Variants in DLG1 observed in about 807,000 individuals in gnomAD.
The protein encoded by DLG1 is disks large homolog 1.
Under a neutral mutation model 123.4 loss-of-function variants are expected in DLG1, and 42 were observed. The ratio of observed to expected loss-of-function variants is 0.34; its 90% confidence interval spans 0.27 to 0.44. The LOEUF (loss-of-function observed/expected upper bound fraction) is 0.44, where lower values mean the gene tolerates loss of function less well. Among genes scored for constraint, DLG1 ranks in the 20% least tolerant of loss-of-function variants. DLG1 has a pLI of 1.00. For missense variants in DLG1, 942 were observed against 1,082.6 expected, an observed-to-expected ratio of 0.87 and a Z score of 1.82; for synonymous variants, 317 against 356.2, an observed-to-expected ratio of 0.89 and a Z score of 1.24.
At chr3:197,211,170 C>G (rs1251800133) in intron 4 of DLG1, among the ~76,000 whole-genome samples, 1 of 145,928 alleles carries the variant, frequency 6.9e-6, no homozygotes, top group African/African-American at 2.4e-5. Flanking sequence ...CGATCTAAAT[C>G]TGATAAAGGG....
At chr3:197,080,991 T>C in intron 17 of DLG1, 60 bp downstream of exon 17, 2 of 1,481,870 alleles carry the variant, frequency 1.3e-6, no homozygotes, top group South Asian at 2.3e-5. Context: ...AAAATCCTTT[T>C]CATTTTAACA....
chr3:197,296,935 GTTA>G, intron 2 of DLG1: 2 of 503,406 alleles, frequency 4.0e-6, no homozygotes, highest in South Asian at 4.9e-5. Flanking sequence ...CCAATTCAGG[GTTA>G]TTAAGGACAT....
chr3:197,244,833 G>A (rs1344148845), intron 4 of DLG1, among the ~76,000 whole-genome samples: 1 of 152,048 alleles, frequency 6.6e-6, no homozygotes, highest in Non-Finnish European at 1.5e-5. Flanking sequence ...TGATGTGCTG[G>A]GAACTCCAAG....
At chr3:197,179,163 G>C (rs986683674) in intron 5 of DLG1, among the ~76,000 whole-genome samples, 2 of 152,188 alleles carry the variant, frequency 1.3e-5, no homozygotes, top group African/African-American at 4.8e-5. Flanking sequence ...AGAGAAGGCA[G>C]AGCTGCAATC....
chr3:197,104,930 T>C lies in DLG1; in HGVS notation c.1519A>G (p.Thr507Ala). Residue 507 changes from threonine to alanine, a missense_variant, in exon 14 of 25, where the codon ACA becomes GCA. Coordinates refer to ENST00000667157, the MANE Select transcript of DLG1 (RefSeq NM_001366207.1). ...TCAGGTCGATATTGTGCAACAATTGTGACAGCCTGGCCAGCATTTTTCAAT... is the reference window on the plus strand; with the variant it reads ...TCAGGTCGATATTGTGCAACAATTGCGACAGCCTGGCCAGCATTTTTCAAT... ...AALKNAGQAV[T>A]IVAQYRPEEY... The C allele has an allele frequency of 1.9e-6, 3 of 1,613,482 alleles. No individual in the cohort carries two copies. The highest frequency in any genetic ancestry group is 2.5e-6 in the Non-Finnish European group (3 of 1,179,568).
Position 197,188,133 on chromosome 3 carries a change from T to C in DLG1, c.483+6292A>G, listed in dbSNP as rs558221652. 4.6e-5 allele frequency among the ~76,000 whole-genome samples: 7 copies of C among 152,320 alleles called. No individual in the cohort carries two copies. The East Asian group carries it at 1.2e-3, about 25-fold the overall frequency. ...AAGAACATTCATCATACAGGTCTTT[T>C]AGATTTTGCCCTCATTTCCTAACAT... On this transcript the variant is annotated intron_variant, in intron 5 of 24. Transcript: ENST00000667157.
At chr3:197,046,080 C>T (rs1722823938) in intron 24 of DLG1, among the ~76,000 whole-genome samples, 1 of 152,176 alleles carries the variant, frequency 6.6e-6, no homozygotes, top group African/African-American at 2.4e-5. Context: ...GAGCTAAATG[C>T]AGACATGCCT....
chr3:197,086,406 A>C (rs1754383380), intron 15 of DLG1, among the ~76,000 whole-genome samples: 1 of 152,146 alleles, frequency 6.6e-6, no homozygotes. Context: ...CCACTTGATT[A>C]ATTAATGTAC....
intron 5 of DLG1, among the ~76,000 whole-genome samples, chr3:197,193,107 A>C (rs370643579): frequency 6.6e-6 from 1 of 152,178 alleles, no homozygotes; most frequent in Non-Finnish European, 1.5e-5. Context: ...AATCCAGGTA[A>C]ATTTTACTAG....
At chr3:197,251,494 C>G (rs1189695303) in intron 4 of DLG1, among the ~76,000 whole-genome samples, 1 of 152,160 alleles carries the variant, frequency 6.6e-6, no homozygotes, top group Non-Finnish European at 1.5e-5. Flanking sequence ...GCATTTATAG[C>G]CAACTCATCT....
intron 1 of DLG1, chr3:197,298,188 A>C: frequency 5.3e-5 from 13 of 245,008 alleles, no homozygotes; most frequent in Non-Finnish European, 7.8e-5. Flanking sequence ...GCCAATGGGA[A>C]GTGAGGAGGC....
At chr3:197,246,248 T>G (rs1423049096) in intron 4 of DLG1, among the ~76,000 whole-genome samples, 2 of 152,150 alleles carry the variant, frequency 1.3e-5, no homozygotes, top group Non-Finnish European at 2.9e-5. Context: ...ATAGCTGTTG[T>G]CTTGTTTTGA....
chr3:197,254,819 G>C (rs1025309934), intron 4 of DLG1, among the ~76,000 whole-genome samples: 1 of 152,084 alleles, frequency 6.6e-6, no homozygotes, highest in African/African-American at 2.4e-5. Flanking sequence ...TGAGAGGTTG[G>C]TGGATCACCT....
intron 4 of DLG1, among the ~76,000 whole-genome samples, chr3:197,231,642 G>T (rs1448541031): frequency 6.6e-6 from 1 of 151,098 alleles, no homozygotes; most frequent in Non-Finnish European, 1.5e-5. Flanking sequence ...GAAGGTTGCA[G>T]TGAGTCAAGA....
At chr3:197,206,322 C>T (rs1274644215) in intron 4 of DLG1, among the ~76,000 whole-genome samples, 1 of 152,122 alleles carries the variant, frequency 6.6e-6, no homozygotes, top group East Asian at 1.9e-4. Context: ...TCTTTTGAGA[C>T]AGGATCTCAC....
At chr3:197,139,347 T>C (rs1786780882) in intron 8 of DLG1, among the ~76,000 whole-genome samples, 1 of 152,190 alleles carries the variant, frequency 6.6e-6, no homozygotes, top group South Asian at 2.1e-4. Context: ...TATATCTATT[T>C]GATTTCATTA....
At chr3:197,046,744 C>A (rs543464785) in intron 24 of DLG1, among the ~76,000 whole-genome samples, 1 of 152,036 alleles carries the variant, frequency 6.6e-6, no homozygotes, top group Non-Finnish European at 1.5e-5. Flanking sequence ...TTGGCTGTAG[C>A]CTGTAGTCCC....
intron 17 of DLG1, among the ~76,000 whole-genome samples, chr3:197,078,185 G>C (rs1455177227): frequency 6.6e-6 from 1 of 151,076 alleles, no homozygotes; most frequent in Non-Finnish European, 1.5e-5. Context: ...GCAGTGGTGT[G>C]CGACTGTAGT....
intron 10 of DLG1, among the ~76,000 whole-genome samples, chr3:197,131,127 C>T (rs1054524981): frequency 1.3e-5 from 2 of 152,102 alleles, no homozygotes; most frequent in Middle Eastern, 3.2e-3. Flanking sequence ...CATTGTGTGG[C>T]TATATCATAA....
Sources: allele counts gnomAD v4.1 joint callset (sites outside exome capture counted in the v4.1 genomes callset), GRCh38; gene constraint gnomAD v4.1.1; transcripts MANE v1.5; gene names NCBI Gene and HGNC (gene_info 2026-07-23, HGNC 2026-07-21).